TOX3: variants seen among roughly 807,000 people sequenced by gnomAD.
The protein encoded by TOX3 is TOX high mobility group box family member 3, also known as CAG trinucleotide repeat-containing gene F9 protein.
In TOX3, 22 loss-of-function variants were observed where a neutral mutation model predicts 64.3. The observed-to-expected ratio is 0.34, with a 90% CI of 0.24 to 0.49. TOX3 has a LOEUF of 0.49. Ranked by LOEUF, TOX3 falls within the 20% of genes least tolerant of loss-of-function variation. TOX3 has a pLI of 0.99. For missense variants in TOX3, 661 were observed against 714.4 expected (o/e 0.93, Z 0.85); for synonymous variants, 291 against 273.6 (o/e 1.06, Z -0.63).
At chr16:52,495,414 C>A (rs1480249419) in intron 1 of TOX3, among the ~76,000 whole-genome samples, 1 of 152,136 alleles carries the variant, frequency 6.6e-6, no homozygotes, top group Non-Finnish European at 1.5e-5. Context: ...CCACTCTGGA[C>A]CAACTTTTTC....
intron 3 of TOX3, 38 bp downstream of exon 3, chr16:52,463,896 T>A (rs1041594527): frequency 2.0e-6 from 3 of 1,482,844 alleles, no homozygotes; most frequent in Non-Finnish European, 2.7e-6. Flanking sequence ...TTTGTGCAAA[T>A]GATAAAAAAT....
At chr16:52,513,292 T>C (rs933746701) in intron 1 of TOX3, among the ~76,000 whole-genome samples, 3 of 152,234 alleles carry the variant, frequency 2.0e-5, no homozygotes, top group Non-Finnish European at 2.9e-5. Flanking sequence ...TTCTGTGTTA[T>C]AGAAACATTT....
chr16:52,484,155 T>A (rs1354457191), intron 1 of TOX3, among the ~76,000 whole-genome samples: 1 of 152,218 alleles, frequency 6.6e-6, no homozygotes, highest in Non-Finnish European at 1.5e-5. Flanking sequence ...CATCATACCT[T>A]ATGGACTCCA....
intron 1 of TOX3, among the ~76,000 whole-genome samples, chr16:52,504,593 G>A (rs1596836560): frequency 6.6e-6 from 1 of 151,998 alleles, no homozygotes. Context: ...TCCAGCTCAC[G>A]TGACATTTCA....
intron 1 of TOX3, among the ~76,000 whole-genome samples, chr16:52,539,257 G>T (rs1963025553): frequency 6.6e-6 from 1 of 152,200 alleles, no homozygotes; most frequent in African/African-American, 2.4e-5. Context: ...TATTAAGAGA[G>T]AAAGGATGTT....
intron 1 of TOX3, among the ~76,000 whole-genome samples, chr16:52,478,178 T>A (rs1961271207): frequency 6.6e-6 from 1 of 152,186 alleles, no homozygotes; most frequent in Non-Finnish European, 1.5e-5. Context: ...TAGAGTAAAA[T>A]TCAAACTCCT....
At chr16:52,534,811 T>G (rs1296141707) in intron 1 of TOX3, among the ~76,000 whole-genome samples, 3 of 152,154 alleles carry the variant, frequency 2.0e-5, no homozygotes, top group Non-Finnish European at 4.4e-5. Context: ...TATTAACTAG[T>G]GTTCAAAATT....
At chr16:52,504,714 A>AAAGGC (rs547357331) in intron 1 of TOX3, among the ~76,000 whole-genome samples, 12 of 152,260 alleles carry the variant, frequency 7.9e-5, no homozygotes, top group East Asian at 5.8e-4. Flanking sequence ...AATGAGACAG[A>AAAGGC]AAGGCAAGGC....
chr16:52,536,915 T>C (rs1962961526), intron 1 of TOX3, among the ~76,000 whole-genome samples: 1 of 151,524 alleles, frequency 6.6e-6, no homozygotes, highest in South Asian at 2.1e-4. Context: ...ATTTTATATA[T>C]ATATGAATCT....
chr16:52,461,360 C>G (rs185403331), intron 3 of TOX3, among the ~76,000 whole-genome samples: 2 of 152,266 alleles, frequency 1.3e-5, no homozygotes, highest in Non-Finnish European at 2.9e-5. Flanking sequence ...CTTTTGAATA[C>G]TGGGGCATTA....
rs954698235 is a variant in TOX3 at position 52,497,500 on chromosome 16, G to A, written c.88-28926C>T. Among the ~76,000 whole-genome samples, 9 of 152,256 alleles carry A rather than the reference G, an allele frequency of 5.9e-5. No individual in the cohort carries two copies. In the East Asian group the frequency reaches 7.7e-4, roughly 13 times the overall value. On this transcript the variant is annotated intron_variant, in intron 1 of 6. Coordinates refer to ENST00000219746, the MANE Select transcript of TOX3 (RefSeq NM_001080430.4). Reference sequence around the variant, plus strand: ...TGTGGAAATGTTGCTCTCTGCTACTGCCAGAAAGGCTGCAGAAAATGGTAT... The same window carrying A: ...TGTGGAAATGTTGCTCTCTGCTACTACCAGAAAGGCTGCAGAAAATGGTAT...
intron 1 of TOX3, among the ~76,000 whole-genome samples, chr16:52,539,418 C>A (rs1040532904): frequency 2.0e-5 from 3 of 152,194 alleles, no homozygotes; most frequent in African/African-American, 7.2e-5. Context: ...TTTCATCATG[C>A]AAACACACAC....
intron 1 of TOX3, among the ~76,000 whole-genome samples, chr16:52,472,023 C>T (rs1452488454): frequency 1.3e-5 from 2 of 152,118 alleles, no homozygotes; most frequent in South Asian, 4.1e-4. Context: ...ATCTATTTTA[C>T]TCAAAGTTAG....
intron 1 of TOX3, among the ~76,000 whole-genome samples, chr16:52,505,466 T>C (rs557621166): frequency 3.3e-5 from 5 of 152,294 alleles, no homozygotes; most frequent in South Asian, 2.1e-4. Flanking sequence ...AACAAACTGA[T>C]TGACAATTCG....
chr16:52,514,034 A>G (rs1270681868), intron 1 of TOX3, among the ~76,000 whole-genome samples: 1 of 152,226 alleles, frequency 6.6e-6, no homozygotes, highest in Non-Finnish European at 1.5e-5. Context: ...TCTGGGTTTC[A>G]TTCATTAAAA....
chr16:52,488,684 A>C (rs965400118), intron 1 of TOX3, among the ~76,000 whole-genome samples: 10 of 152,188 alleles, frequency 6.6e-5, no homozygotes, highest in Non-Finnish European at 1.5e-4. Flanking sequence ...TAGGAAGTAG[A>C]CCAAAAAAAT....
At chr16:52,475,002 T>C (rs1175300014) in intron 1 of TOX3, among the ~76,000 whole-genome samples, 1 of 152,126 alleles carries the variant, frequency 6.6e-6, no homozygotes, top group East Asian at 1.9e-4. Flanking sequence ...GTCTGGACTA[T>C]TGTCCCTGTA....
intron 1 of TOX3, among the ~76,000 whole-genome samples, chr16:52,512,125 T>C (rs528933655): frequency 3.9e-4 from 60 of 152,364 alleles, no homozygotes; most frequent in African/African-American, 1.3e-3. Context: ...ATCTTTAAGA[T>C]AGTTTGCCCA....
intron 1 of TOX3, among the ~76,000 whole-genome samples, chr16:52,489,793 A>ATCACTCTATTAAATT (rs1433331618): frequency 1.3e-5 from 2 of 152,112 alleles, no homozygotes. Context: ...CCAGAAATCA[A>ATCACTCTATTAAATT]TCACTCTATT....
Sources: allele counts gnomAD v4.1 joint callset (sites outside exome capture counted in the v4.1 genomes callset), GRCh38; gene constraint gnomAD v4.1.1; transcripts MANE v1.5; gene names NCBI Gene and HGNC (gene_info 2026-07-23, HGNC 2026-07-21).